ADGRV1: variants seen among roughly 807,000 people sequenced by gnomAD.
ADGRV1 encodes the protein adhesion G protein-coupled receptor V1.
In ADGRV1, 359 loss-of-function variants were observed where a neutral mutation model predicts 596.2. The ratio of observed to expected loss-of-function variants is 0.60; its 90% CI spans 0.55 to 0.66. The LOEUF is 0.66. Ranked by LOEUF, ADGRV1 falls within the 30% of genes least tolerant of loss-of-function variation. The pLI, the probability that ADGRV1 is intolerant of heterozygous loss-of-function variation, is 0.00. For missense variants in ADGRV1, 7,274 were observed against 7,575.6 expected, an observed-to-expected ratio of 0.96 and a Z score of 1.48; for synonymous variants, 2,681 against 2,679.2, an observed-to-expected ratio of 1.00 and a Z score of -0.02.
chr5:91,134,712 G>A (rs1794491707), intron 87 of ADGRV1, among the ~76,000 whole-genome samples: 1 of 152,022 alleles, frequency 6.6e-6, no homozygotes, highest in African/African-American at 2.4e-5. Context: ...CAGAGAATAT[G>A]AAGATTTTAT....
intron 8 of ADGRV1, 40 bp from the exon 9 acceptor site, chr5:90,629,170 C>G (rs779030819): frequency 5.1e-6 from 6 of 1,167,684 alleles, no homozygotes; most frequent in Non-Finnish European, 5.8e-6. Flanking sequence ...ATCTCAGATG[C>G]GAGAATTCTG....
chr5:91,035,057 A>T (rs1784755614), intron 85 of ADGRV1, among the ~76,000 whole-genome samples: 1 of 152,090 alleles, frequency 6.6e-6, no homozygotes, highest in South Asian at 2.1e-4. Flanking sequence ...CTGCATCCAG[A>T]CTAACATCCT....
chr5:90,983,102 T>C (rs1360839699), intron 84 of ADGRV1, among the ~76,000 whole-genome samples: 1 of 152,252 alleles, frequency 6.6e-6, no homozygotes, highest in Non-Finnish European at 1.5e-5. Flanking sequence ...TCAGTGATCA[T>C]ATTCTTTTAA....
intron 21 of ADGRV1, among the ~76,000 whole-genome samples, chr5:90,663,707 T>A (rs1341382072): frequency 6.6e-6 from 1 of 152,202 alleles, no homozygotes. Flanking sequence ...TCCTGAATGG[T>A]AATGCCTAGG....
chr5:90,586,618 T>C (rs964546273), intron 1 of ADGRV1, among the ~76,000 whole-genome samples: 3 of 152,204 alleles, frequency 2.0e-5, no homozygotes, highest in African/African-American at 7.2e-5. Context: ...AAAGCCCCAA[T>C]TAGATTTAGG....
intron 1 of ADGRV1, among the ~76,000 whole-genome samples, chr5:90,580,583 T>C (rs1757887973): frequency 6.6e-6 from 1 of 152,198 alleles, no homozygotes; most frequent in Non-Finnish European, 1.5e-5. Context: ...AAAATTCATT[T>C]CTTTAAGAAT....
chr5:90,753,332 A>T (rs1755470982), intron 53 of ADGRV1, among the ~76,000 whole-genome samples: 3 of 145,822 alleles, frequency 2.1e-5, no homozygotes, highest in Non-Finnish European at 4.6e-5. Flanking sequence ...CCAGTATTTG[A>T]CAATTTGGCT....
intron 83 of ADGRV1, among the ~76,000 whole-genome samples, chr5:90,892,613 A>C (rs1770929502): frequency 6.6e-6 from 1 of 152,136 alleles, no homozygotes; most frequent in Non-Finnish European, 1.5e-5. Flanking sequence ...CAATCAAGGT[A>C]ATGAGGATAC....
chr5:90,754,724 G>A (rs146197723), intron 54 of ADGRV1, among the ~76,000 whole-genome samples: 20 of 152,242 alleles, frequency 1.3e-4, no homozygotes, highest in Admixed American at 3.3e-4. Flanking sequence ...TGCAACATAG[G>A]AGGGTGCTTT....
intron 59 of ADGRV1, among the ~76,000 whole-genome samples, chr5:90,770,001 C>T (rs573759612): frequency 2.0e-5 from 3 of 150,186 alleles, no homozygotes; most frequent in Non-Finnish European, 3.0e-5. Flanking sequence ...TTAGTGTAGT[C>T]TCTGTGGCCT....
At chr5:90,723,843 G>A (rs139873953) in intron 45 of ADGRV1, among the ~76,000 whole-genome samples, 14 of 152,242 alleles carry the variant, frequency 9.2e-5, no homozygotes, top group Admixed American at 4.6e-4. Context: ...ATGTTTTGGA[G>A]GGAAGCAGCC....
intron 85 of ADGRV1, among the ~76,000 whole-genome samples, chr5:91,032,212 A>G (rs770728353): frequency 5.3e-5 from 8 of 152,230 alleles, no homozygotes; most frequent in African/African-American, 1.7e-4. Context: ...GGGGATTGCA[A>G]AGAGGCCAGT....
At chr5:90,726,706 A>G (rs944803137) in intron 48 of ADGRV1, among the ~76,000 whole-genome samples, 1 of 151,138 alleles carries the variant, frequency 6.6e-6, no homozygotes, top group Non-Finnish European at 1.5e-5. Context: ...CCCCATTGCC[A>G]GTTCCTCTTC....
chr5:90,930,263 A>C (rs1037271288), intron 83 of ADGRV1, among the ~76,000 whole-genome samples: 1 of 152,190 alleles, frequency 6.6e-6, no homozygotes, highest in Non-Finnish European at 1.5e-5. Flanking sequence ...ATTTACTTTC[A>C]GTCCTGGTCT....
Position 90,596,597 on chromosome 5 carries a change from G to C in ADGRV1, c.23-18238G>C, listed in dbSNP as rs529343466. On this transcript the variant is annotated intron_variant, in intron 1 of 89. Transcript: ENST00000405460. ...GTGGTTAGGAGCTGGAGACCAGCCCGGCCAACACAGCGAAACCCCGTCTCC... is the reference window on the plus strand; with the variant it reads ...GTGGTTAGGAGCTGGAGACCAGCCCCGCCAACACAGCGAAACCCCGTCTCC... Among the ~76,000 whole-genome samples the C allele has an allele frequency of 3.2e-4, 49 of 152,244 alleles. No homozygotes were observed. In the South Asian group the frequency reaches 7.0e-3, roughly 22 times the overall value.
chr5:90,823,927 G>T (rs1211859482), intron 76 of ADGRV1, among the ~76,000 whole-genome samples: 1 of 151,544 alleles, frequency 6.6e-6, no homozygotes, highest in East Asian at 1.9e-4. Flanking sequence ...AATTCTTTTT[G>T]TTAGCCCCTT....
intron 85 of ADGRV1, among the ~76,000 whole-genome samples, chr5:91,072,198 A>G (rs574302279): frequency 2.6e-4 from 40 of 152,296 alleles, no homozygotes; most frequent in African/African-American, 7.9e-4. Flanking sequence ...TTATTTGGCC[A>G]TAAGCTTTTT....
intron 87 of ADGRV1, among the ~76,000 whole-genome samples, chr5:91,143,995 C>T (rs13172451): frequency 0.087 from 13,278 of 152,242 alleles, 685 homozygotes; most frequent in South Asian, 0.19. Context: ...AGTGCCCAGG[C>T]TTGGCCTCAA....
chr5:91,138,834 C>T (rs1279367099), intron 87 of ADGRV1, among the ~76,000 whole-genome samples: 1 of 151,264 alleles, frequency 6.6e-6, no homozygotes, highest in Non-Finnish European at 1.5e-5. Context: ...TGCAGTGGCA[C>T]CATCTCGGCT....
Sources: allele counts gnomAD v4.1 joint callset (sites outside exome capture counted in the v4.1 genomes callset), GRCh38; gene constraint gnomAD v4.1.1; transcripts MANE v1.5; gene names NCBI Gene and HGNC (gene_info 2026-07-23, HGNC 2026-07-21).